The following KCNIP4 variants were observed in gnomAD, a reference collection of about 807,000 sequenced individuals.
KCNIP4 encodes the protein potassium voltage-gated channel interacting protein 4, also known as Kv channel-interacting protein 4.
KCNIP4 carries 12 observed loss-of-function variants against 34.0 expected under a neutral mutation model. The observed-to-expected ratio is 0.35, with a 90% confidence interval of 0.23 to 0.57. The LOEUF (loss-of-function observed/expected upper bound fraction) is 0.57. Among genes scored for constraint, KCNIP4 ranks in the 20% least tolerant of loss-of-function variants. The pLI, the probability that KCNIP4 is intolerant of heterozygous loss-of-function variation, is 0.83. For synonymous variants in KCNIP4, 124 were observed against 102.2 expected, an observed-to-expected ratio of 1.21 and a Z score of -1.29; for missense variants, 238 against 311.7, an observed-to-expected ratio of 0.76 and a Z score of 1.78.
At chr4:21,852,326 C>T (rs1724463191) in intron 1 of KCNIP4, 1 of 152,292 alleles carries the variant, frequency 6.6e-6, no homozygotes, top group Non-Finnish European at 1.5e-5. Context: ...AGCATGGCCC[C>T]TGCCTTCCAT....
At chr4:21,307,060 G>T (rs1189133422) in intron 1 of KCNIP4, among the ~76,000 whole-genome samples, 2 of 152,070 alleles carry the variant, frequency 1.3e-5, no homozygotes, top group Non-Finnish European at 2.9e-5. Context: ...GACATCAGGT[G>T]ATATGCCCAC....
intron 1 of KCNIP4, chr4:21,697,355 T>G: frequency 6.7e-7 from 1 of 1,499,186 alleles, no homozygotes; most frequent in East Asian, 2.6e-5. Context: ...ATTACCTGTA[T>G]GAAGAGAACC....
chr4:21,704,072 A>C (rs566301648), intron 1 of KCNIP4, among the ~76,000 whole-genome samples: 2 of 152,314 alleles, frequency 1.3e-5, no homozygotes, highest in East Asian at 3.9e-4. Flanking sequence ...GCAGCTATTC[A>C]GTAGAGGAAA....
At chr4:21,634,223 CAAAAAAAAAAAA>C (rs376741978) in intron 1 of KCNIP4, among the ~76,000 whole-genome samples, 1 of 112,520 alleles carries the variant, frequency 8.9e-6, no homozygotes, top group South Asian at 3.3e-4. Flanking sequence ...GTTCTTTCCT[CAAAAAAAAAAAA>C]AAAAAAAAAA....
intron 1 of KCNIP4, among the ~76,000 whole-genome samples, chr4:21,353,252 G>A (rs1000305018): frequency 2.6e-5 from 4 of 152,228 alleles, no homozygotes; most frequent in African/African-American, 4.8e-5. Context: ...CCAAAGGATC[G>A]CAGCTCCTCA....
chr4:21,035,998 A>C (rs1741412854), intron 1 of KCNIP4, among the ~76,000 whole-genome samples: 1 of 152,198 alleles, frequency 6.6e-6, no homozygotes, highest in African/African-American at 2.4e-5. Context: ...TAATTGGCAC[A>C]AGACATTTCC....
chr4:21,338,310 G>A (rs1223425444), intron 1 of KCNIP4, among the ~76,000 whole-genome samples: 1 of 145,004 alleles, frequency 6.9e-6, no homozygotes, highest in African/African-American at 2.5e-5. Flanking sequence ...TTATCCAGAA[G>A]GGTACCCCAC....
intron 1 of KCNIP4, among the ~76,000 whole-genome samples, chr4:21,741,493 T>A (rs991876273): frequency 3.9e-5 from 6 of 152,154 alleles, no homozygotes; most frequent in African/African-American, 1.4e-4. Context: ...ATGGGCTGGA[T>A]GATTCTAAAT....
chr4:21,513,998 C>T (rs368431), intron 1 of KCNIP4, among the ~76,000 whole-genome samples: 152,121 of 152,316 alleles, frequency 1, 75,965 homozygotes, highest in Middle Eastern at 1. Context: ...TTTCCTTTCA[C>T]AAAATAGGTG....
chr4:21,477,616 A>G (rs992696739), intron 1 of KCNIP4, among the ~76,000 whole-genome samples: 17 of 152,172 alleles, frequency 1.1e-4, no homozygotes, highest in Admixed American at 1.0e-3. Context: ...TGACTCTCCA[A>G]ACTTTTTCAT....
intron 1 of KCNIP4, among the ~76,000 whole-genome samples, chr4:21,448,987 A>G (rs1435781670): frequency 1.3e-5 from 2 of 152,242 alleles, no homozygotes; most frequent in African/African-American, 4.8e-5. Context: ...CAGGCAGGAA[A>G]CAGGCTGAAA....
intron 1 of KCNIP4, among the ~76,000 whole-genome samples, chr4:21,556,488 G>A (rs566739860): frequency 1.3e-5 from 2 of 152,234 alleles, no homozygotes; most frequent in East Asian, 3.9e-4. Context: ...CCTTCTCAAG[G>A]ATGACATGGG....
At chr4:21,595,043 T>C (rs1214211073) in intron 1 of KCNIP4, among the ~76,000 whole-genome samples, 2 of 152,156 alleles carry the variant, frequency 1.3e-5, no homozygotes, top group Admixed American at 1.3e-4. Context: ...TACATAGGTA[T>C]ACATGTGCCA....
chr4:21,565,206 G>T (rs1739766896), intron 1 of KCNIP4, among the ~76,000 whole-genome samples: 1 of 152,162 alleles, frequency 6.6e-6, no homozygotes, highest in Non-Finnish European at 1.5e-5. Context: ...CTAAGACCAA[G>T]GGGCTGGCTA....
At chr4:21,760,446 TCATG>T (rs1717973234) in intron 1 of KCNIP4, among the ~76,000 whole-genome samples, 1 of 22,374 alleles carries the variant, frequency 4.5e-5, no homozygotes, top group Non-Finnish European at 1.1e-4. Context: ...AGATACATGT[TCATG>T]TTTTTATTAA....
Position 20,853,056 on chromosome 4 carries a change from G to A in KCNIP4, c.164-2389C>T, listed in dbSNP as rs191458736. Among the ~76,000 whole-genome samples, 523 of 152,166 alleles carry A rather than the reference G, an allele frequency of 3.4e-3. 6 individuals carry two copies. Among genetic ancestry groups the A allele is most frequent in the African/African-American group, 0.012 (492 of 41,514 alleles). ...TCAATATTGTGAAAATGACCATACTGCCAAAAGCAATCTACAAATTCAACA... is the reference window on the plus strand; with the variant it reads ...TCAATATTGTGAAAATGACCATACTACCAAAAGCAATCTACAAATTCAACA... On this transcript the variant is annotated intron_variant, in intron 2 of 8. Transcript: ENST00000382152.
At chr4:20,915,091 G>C (rs1378917384) in intron 1 of KCNIP4, among the ~76,000 whole-genome samples, 1 of 152,112 alleles carries the variant, frequency 6.6e-6, no homozygotes, top group Non-Finnish European at 1.5e-5. Flanking sequence ...CCAAATGACT[G>C]TTTTACTCAT....
At chr4:21,173,348 A>G (rs1226919191) in intron 1 of KCNIP4, among the ~76,000 whole-genome samples, 1 of 152,164 alleles carries the variant, frequency 6.6e-6, no homozygotes, top group Non-Finnish European at 1.5e-5. Context: ...TAGATCACTG[A>G]GTGCATATCA....
intron 1 of KCNIP4, among the ~76,000 whole-genome samples, chr4:21,571,464 A>G (rs1740362745): frequency 6.6e-6 from 1 of 152,198 alleles, no homozygotes; most frequent in Non-Finnish European, 1.5e-5. Flanking sequence ...CTAAGTCTTA[A>G]GAGTTTGGCT....
Sources: allele counts gnomAD v4.1 joint callset (sites outside exome capture counted in the v4.1 genomes callset), GRCh38; gene constraint gnomAD v4.1.1; transcripts MANE v1.5; gene names NCBI Gene and HGNC (gene_info 2026-07-23, HGNC 2026-07-21).